Variants in GRIN2A observed in about 807,000 individuals in gnomAD.
The protein encoded by GRIN2A is glutamate ionotropic receptor NMDA type subunit 2A, also known as glutamate receptor ionotropic, NMDA 2A.
GRIN2A carries 22 observed loss-of-function variants against 113.4 expected under a neutral mutation model. That is an observed-to-expected ratio of 0.19 (90% CI 0.14 to 0.28). The LOEUF is 0.28. Among genes scored for constraint, GRIN2A ranks in the 10% least tolerant of loss-of-function variants. The pLI is 1.00. For missense variants in GRIN2A, 1,502 were observed against 1,887.0 expected (o/e 0.80, Z 3.78); for synonymous variants, 827 against 738.4 (o/e 1.12, Z -1.94).
chr16:10,030,312 T>G (rs1198540432), intron 2 of GRIN2A, among the ~76,000 whole-genome samples: 2 of 152,212 alleles, frequency 1.3e-5, no homozygotes, highest in African/African-American at 4.8e-5. Context: ...CCTGCTGAGT[T>G]TCCTATGCCC....
intron 2 of GRIN2A, among the ~76,000 whole-genome samples, chr16:9,970,100 A>T (rs1004211495): frequency 6.6e-6 from 1 of 152,184 alleles, no homozygotes; most frequent in African/African-American, 2.4e-5. Flanking sequence ...TGCACCAAGC[A>T]TTGGGATCCC....
intron 2 of GRIN2A, among the ~76,000 whole-genome samples, chr16:10,101,854 G>A (rs1311128838): frequency 6.6e-6 from 1 of 152,140 alleles, no homozygotes; most frequent in Non-Finnish European, 1.5e-5. Flanking sequence ...ATAATTTGGG[G>A]GATATTTTGG....
intron 3 of GRIN2A, among the ~76,000 whole-genome samples, chr16:9,925,729 T>C (rs889092613): frequency 1.3e-5 from 2 of 152,212 alleles, no homozygotes; most frequent in African/African-American, 4.8e-5. Flanking sequence ...ATTTTGGTTG[T>C]TTCAGTCTGT....
rs187315110 is a variant in GRIN2A, at chr16:10,147,819, G to A, written c.414+32179C>T. Among the ~76,000 whole-genome samples, 6 of 152,198 alleles carry A rather than the reference G, an allele frequency of 3.9e-5. No homozygotes were observed. The East Asian group carries it at 1.2e-3, about 29-fold the overall frequency. On this transcript the variant is annotated intron_variant, in intron 2 of 12. Transcript: ENST00000330684. The stretch of plus-strand genomic sequence containing the variant: ...CCATTTCTCTCTGTTCCCTTTTATA[G>A]CAAAAATGATCTAGAGAGTTGGCTA...
At chr16:10,046,850 C>T (rs947625773) in intron 2 of GRIN2A, among the ~76,000 whole-genome samples, 1 of 152,208 alleles carries the variant, frequency 6.6e-6, no homozygotes, top group Non-Finnish European at 1.5e-5. Context: ...ATATTCACCA[C>T]CCAACACTCA....
At chr16:9,935,345 T>C (rs1036125465) in intron 3 of GRIN2A, among the ~76,000 whole-genome samples, 1 of 152,150 alleles carries the variant, frequency 6.6e-6, no homozygotes, top group Admixed American at 6.5e-5. Flanking sequence ...TCCTTCCTGA[T>C]ATCTGGACAA....
intron 9 of GRIN2A, among the ~76,000 whole-genome samples, chr16:9,827,061 G>A (rs1241817670): frequency 2.8e-5 from 4 of 140,606 alleles, no homozygotes; most frequent in South Asian, 2.2e-4. Flanking sequence ...GCACAATAGC[G>A]CTTCATGTCT....
chr16:9,986,340 G>T (rs1440446558), intron 2 of GRIN2A, among the ~76,000 whole-genome samples: 2 of 152,150 alleles, frequency 1.3e-5, no homozygotes, highest in Admixed American at 6.6e-5. Flanking sequence ...AAAAATATTT[G>T]TAAAATAATA....
chr16:10,111,176 G>A (rs1339879348), intron 2 of GRIN2A, among the ~76,000 whole-genome samples: 1 of 152,208 alleles, frequency 6.6e-6, no homozygotes, highest in African/African-American at 2.4e-5. Flanking sequence ...AAAGGTTTAT[G>A]CACAGAGATG....
intron 2 of GRIN2A, among the ~76,000 whole-genome samples, chr16:10,145,961 AC>A (rs1370636381): frequency 1.3e-4 from 20 of 152,194 alleles, no homozygotes; most frequent in Non-Finnish European, 2.8e-4. Flanking sequence ...AGTTACTGGG[AC>A]CCTGAGTCTC....
At chr16:9,965,227 T>C (rs535422575) in intron 2 of GRIN2A, among the ~76,000 whole-genome samples, 2 of 152,204 alleles carry the variant, frequency 1.3e-5, no homozygotes, top group African/African-American at 4.8e-5. Context: ...AGCATCTCCA[T>C]ACCAACAGCT....
chr16:10,181,303 A>C (rs2142395523), intron 1 of GRIN2A, among the ~76,000 whole-genome samples: 1 of 152,284 alleles, frequency 6.6e-6, no homozygotes, highest in Non-Finnish European at 1.5e-5. Context: ...CCCGCGGGCC[A>C]GCGCGTAGGA....
intron 2 of GRIN2A, among the ~76,000 whole-genome samples, chr16:10,052,689 T>C (rs2047379558): frequency 6.6e-6 from 1 of 152,160 alleles, no homozygotes; most frequent in Non-Finnish European, 1.5e-5. Flanking sequence ...CTTCAATCAC[T>C]AGAGCAAATT....
intron 3 of GRIN2A, among the ~76,000 whole-genome samples, chr16:9,934,913 T>C (rs1368366869): frequency 2.0e-5 from 3 of 151,828 alleles, no homozygotes; most frequent in South Asian, 2.1e-4. Flanking sequence ...GATGGAGAGA[T>C]GTTTCATTAA....
intron 2 of GRIN2A, among the ~76,000 whole-genome samples, chr16:10,020,333 G>T (rs1228519437): frequency 6.6e-6 from 1 of 152,076 alleles, no homozygotes; most frequent in African/African-American, 2.4e-5. Context: ...AAACTCTTTG[G>T]GCTCAGTTTC....
rs547322228 is a variant in GRIN2A, at chr16:10,026,843, C to G, written c.415-88292G>C. Reference sequence around the variant, plus strand: ...TCAGGTGCTTTCAGATTCAGGTGAACGAACCTCAGGAAGAACTGCACTTCC... The same window carrying G: ...TCAGGTGCTTTCAGATTCAGGTGAAGGAACCTCAGGAAGAACTGCACTTCC... On this transcript the variant is annotated intron_variant, in intron 2 of 12. Coordinates refer to ENST00000330684, the MANE Select transcript of GRIN2A (RefSeq NM_001134407.3). Among the ~76,000 whole-genome samples the G allele has an allele frequency of 1.4e-4, 22 of 152,272 alleles. 1 individual carries two copies. The East Asian group carries it at 3.5e-3, about 24-fold the overall frequency.
chr16:9,893,300 G>C (rs769176240), intron 3 of GRIN2A, among the ~76,000 whole-genome samples: 1 of 152,104 alleles, frequency 6.6e-6, no homozygotes, highest in African/African-American at 2.4e-5. Context: ...TCATTTTTTT[G>C]TGTGTGTATC....
rs4782274 is a variant in GRIN2A at position 10,125,696 on chromosome 16, C to A, written c.414+54302G>T. Among the ~76,000 whole-genome samples the A allele has an allele frequency of 1.5e-3, 221 of 151,514 alleles. 1 individual carries two copies. Among genetic ancestry groups the A allele is most frequent in the African/African-American group, 5.1e-3 (209 of 41,244 alleles). ...CTGGCTGTTTTGCTAAGCCCCAGGCCTACAGGAGGCTGGATGGCCCAGGGG... is the reference window on the plus strand; with the variant it reads ...CTGGCTGTTTTGCTAAGCCCCAGGCATACAGGAGGCTGGATGGCCCAGGGG... On this transcript the variant is annotated intron_variant, in intron 2 of 12. Coordinates refer to ENST00000330684, the MANE Select transcript of GRIN2A (RefSeq NM_001134407.3).
chr16:9,836,022 C>T (rs995557303), intron 7 of GRIN2A, among the ~76,000 whole-genome samples: 2 of 152,132 alleles, frequency 1.3e-5, no homozygotes, highest in African/African-American at 4.8e-5. Context: ...GAGTAATAAA[C>T]AATATTATGT....
Sources: gnomAD v4.1 joint callset for allele counts (sites outside exome capture counted in the v4.1 genomes callset) on GRCh38, gnomAD v4.1.1 for gene constraint, MANE v1.5 for transcripts, NCBI Gene and HGNC (gene_info 2026-07-23, HGNC 2026-07-21) for gene names.